The following COL25A1 variants were observed in gnomAD, a reference collection of about 807,000 sequenced individuals.
COL25A1 encodes collagen alpha-1(XXV) chain.
Under a neutral mutation model 128.4 loss-of-function variants are expected in COL25A1, and 103 were observed. That is an observed-to-expected ratio of 0.80 (90% CI 0.68 to 0.94). The LOEUF is 0.94. Among genes scored for constraint, COL25A1 ranks in the 40% least tolerant of loss-of-function variants. The probability of loss-of-function intolerance (pLI) is 0.00; values close to 1 mark genes in which losing one functional copy is unlikely to be tolerated. For synonymous variants in COL25A1, 279 were observed against 277.2 expected, an observed-to-expected ratio of 1.01 and a Z score of -0.06; for missense variants, 745 against 840.0, an observed-to-expected ratio of 0.89 and a Z score of 1.40.
At chr4:108,957,130 T>G (rs1167540482) in intron 8 of COL25A1, among the ~76,000 whole-genome samples, 3 of 152,072 alleles carry the variant, frequency 2.0e-5, no homozygotes, top group African/African-American at 7.2e-5. Context: ...CCCAAACACA[T>G]TTATCCAGGC....
chr4:109,035,439 A>G (rs750737110), intron 5 of COL25A1, among the ~76,000 whole-genome samples: 41 of 152,208 alleles, frequency 2.7e-4, no homozygotes, highest in Non-Finnish European at 5.6e-4. Flanking sequence ...GAGACAGATC[A>G]ATTTCCAATA....
intron 3 of COL25A1, among the ~76,000 whole-genome samples, chr4:109,064,774 A>G (rs561696187): frequency 1.1e-4 from 17 of 152,276 alleles, no homozygotes; most frequent in African/African-American, 4.1e-4. Flanking sequence ...GCAAAAGAAA[A>G]TCATTTTTTC....
At chr4:109,136,946 C>T (rs543384304) in intron 3 of COL25A1, among the ~76,000 whole-genome samples, 2 of 152,284 alleles carry the variant, frequency 1.3e-5, no homozygotes, top group Admixed American at 6.5e-5. Context: ...TTCTTTGAGC[C>T]GACATGAGTA....
intron 35 of COL25A1, chr4:108,819,981 A>C (rs772337531): frequency 1.7e-6 from 1 of 591,538 alleles, no homozygotes; most frequent in African/African-American, 1.9e-5. Context: ...TAGGTAAGAA[A>C]ATTCTGGAAG....
chr4:108,833,286 G>A (rs1300008834), intron 31 of COL25A1, among the ~76,000 whole-genome samples: 3 of 152,190 alleles, frequency 2.0e-5, no homozygotes, highest in African/African-American at 4.8e-5. Context: ...CAGATTCTGC[G>A]GCAGTGGCCA....
At chr4:108,999,198 A>G (rs994046444) in intron 6 of COL25A1, among the ~76,000 whole-genome samples, 80 of 152,384 alleles carry the variant, frequency 5.2e-4, no homozygotes, top group African/African-American at 1.8e-3. Context: ...ATGGGACAAA[A>G]TCTTTGCAAT....
At chr4:108,834,059 C>A (rs1733481026) in intron 31 of COL25A1, among the ~76,000 whole-genome samples, 1 of 152,158 alleles carries the variant, frequency 6.6e-6, no homozygotes, top group Non-Finnish European at 1.5e-5. Context: ...ATGTGGAATT[C>A]TAAGACAATG....
At chr4:109,058,602 T>C (rs1421822530) in intron 3 of COL25A1, among the ~76,000 whole-genome samples, 1 of 152,232 alleles carries the variant, frequency 6.6e-6, no homozygotes, top group East Asian at 1.9e-4. Context: ...ATTATGTTAA[T>C]TCTTATTTAT....
intron 3 of COL25A1, among the ~76,000 whole-genome samples, chr4:109,150,755 G>A (rs1337194501): frequency 1.3e-5 from 2 of 152,018 alleles, no homozygotes; most frequent in African/African-American, 4.8e-5. Context: ...TTGCCATCAG[G>A]ACAATAATTT....
chr4:109,062,987 C>G (rs1415553335), intron 3 of COL25A1, among the ~76,000 whole-genome samples: 1 of 152,182 alleles, frequency 6.6e-6, no homozygotes, highest in Non-Finnish European at 1.5e-5. Flanking sequence ...CCATGAGTGC[C>G]TATGCCATCA....
intron 3 of COL25A1, among the ~76,000 whole-genome samples, chr4:109,253,314 G>C (rs1780789163): frequency 6.6e-6 from 1 of 152,194 alleles, no homozygotes; most frequent in Non-Finnish European, 1.5e-5. Flanking sequence ...AGAGTTGGAA[G>C]TATAATTCCA....
intron 3 of COL25A1, among the ~76,000 whole-genome samples, chr4:109,066,464 C>T (rs1471948332): frequency 2.0e-5 from 3 of 152,204 alleles, no homozygotes; most frequent in Admixed American, 2.0e-4. Flanking sequence ...CTATCTCCAT[C>T]ATCATTACAG....
intron 20 of COL25A1, among the ~76,000 whole-genome samples, chr4:108,863,716 G>C (rs567203473): frequency 6.6e-6 from 1 of 152,148 alleles, no homozygotes; most frequent in Non-Finnish European, 1.5e-5. Context: ...TACTTTCAAC[G>C]TGAGGGGGCA....
At chr4:109,276,366 C>T (rs1356610734) in intron 3 of COL25A1, among the ~76,000 whole-genome samples, 11 of 149,510 alleles carry the variant, frequency 7.4e-5, no homozygotes, top group African/African-American at 2.5e-4. Flanking sequence ...GAGCCGAGAT[C>T]GCGCCACTGC....
intron 5 of COL25A1, among the ~76,000 whole-genome samples, chr4:109,031,379 G>C: frequency 6.6e-6 from 1 of 151,676 alleles, no homozygotes; most frequent in East Asian, 1.9e-4. Context: ...GCCTCCCAAA[G>C]TGCTAGGATT....
At chr4:109,296,017 CA>C (rs1426111659) in intron 3 of COL25A1, among the ~76,000 whole-genome samples, 2 of 152,010 alleles carry the variant, frequency 1.3e-5, no homozygotes, top group African/African-American at 4.8e-5. Context: ...GTAAGCCAGA[CA>C]AAAAGTTTCT....
chr4:108,999,046 T>C (rs1211550467), intron 6 of COL25A1, among the ~76,000 whole-genome samples: 1 of 152,150 alleles, frequency 6.6e-6, no homozygotes, highest in Non-Finnish European at 1.5e-5. Context: ...ATTGAGGACA[T>C]AGGCATGGGC....
At chr4:109,044,856 A>G (rs115000610) in intron 5 of COL25A1, among the ~76,000 whole-genome samples, 1,665 of 152,316 alleles carry the variant, frequency 0.011, 31 homozygotes, top group African/African-American at 0.038. Flanking sequence ...TTTCTCTAAA[A>G]ATTAAAATTA....
chr4:108,940,983 C>T (rs180681228), intron 9 of COL25A1, among the ~76,000 whole-genome samples: 1 of 152,164 alleles, frequency 6.6e-6, no homozygotes, highest in African/African-American at 2.4e-5. Context: ...GTTACATTCA[C>T]CTCATTTAAT....
Sources: gnomAD v4.1 joint callset for allele counts (sites outside exome capture counted in the v4.1 genomes callset) on GRCh38, gnomAD v4.1.1 for gene constraint, MANE v1.5 for transcripts, NCBI Gene and HGNC (gene_info 2026-07-23, HGNC 2026-07-21) for gene names.